Variants in UBA6 observed in about 807,000 individuals in gnomAD.
The protein encoded by UBA6 is ubiquitin-like modifier-activating enzyme 6.
Under a neutral mutation model 148.3 loss-of-function variants are expected in UBA6, and 87 were observed. The observed-to-expected ratio is 0.59, with a 90% CI of 0.49 to 0.70. The LOEUF (loss-of-function observed/expected upper bound fraction) is 0.70. UBA6 is among the 30% of genes least tolerant of loss of function. UBA6 has a pLI of 0.00. For missense variants in UBA6, 1,186 were observed against 1,241.2 expected, an observed-to-expected ratio of 0.96 and a Z score of 0.67; for synonymous variants, 376 against 401.0, an observed-to-expected ratio of 0.94 and a Z score of 0.75.
rs146926255 is a variant in UBA6, at chr4:67,635,478, T to C, written c.1817A>G (p.His606Arg). The change falls in exon 20 of 33, where the codon CAT becomes CGT. Residue 606 changes from histidine (H) to arginine (R), a missense_variant. His to Arg is a conservative substitution (Grantham distance 29, BLOSUM62 0). Transcript: ENST00000322244. Reference protein sequence around the residue: ...TKGHTEVIVPHLTESYNSHRD... With the variant: ...TKGHTEVIVPRLTESYNSHRD... ...ATGACTATTGTAAGACTCAGTCAAA[T>C]GCGGTACAATAACTTCAGTGTGTCC... The C allele has an allele frequency of 1.4e-5, 22 of 1,607,966 alleles. No homozygotes were observed. The highest frequency in any genetic ancestry group is 1.4e-5 in the Non-Finnish European group (17 of 1,174,632).
intron 6 of UBA6, among the ~76,000 whole-genome samples, chr4:67,676,721 CTG>C (rs2109945645): frequency 6.6e-6 from 1 of 152,288 alleles, no homozygotes; most frequent in East Asian, 1.9e-4. Context: ...TTTTAGCTAA[CTG>C]TTCATTTGTG....
intron 32 of UBA6, 27 bp from the exon 33 acceptor site, chr4:67,619,159 C>T (rs904307805): frequency 6.4e-7 from 1 of 1,555,450 alleles, no homozygotes; most frequent in South Asian, 1.1e-5. Context: ...AGAATGAATA[C>T]TTTGGTAAAT....
chr4:67,667,878 G>A (rs569318039), intron 9 of UBA6, among the ~76,000 whole-genome samples: 2 of 152,144 alleles, frequency 1.3e-5, no homozygotes, highest in East Asian at 1.9e-4. Context: ...AACTTCTTGC[G>A]AACAAACCTA....
chr4:67,684,212 T>C (rs1366557116), intron 2 of UBA6, among the ~76,000 whole-genome samples: 1 of 152,230 alleles, frequency 6.6e-6, no homozygotes, highest in African/African-American at 2.4e-5. Flanking sequence ...TAGAAGGGCA[T>C]GCTTACAGGG....
chr4:67,660,696 A>T (rs1729827879), intron 13 of UBA6, among the ~76,000 whole-genome samples: 1 of 152,178 alleles, frequency 6.6e-6, no homozygotes. Flanking sequence ...GAGAGTCCCC[A>T]TTGGCACTGC....
chr4:67,623,042 AATAATT>A (rs2109893757), intron 31 of UBA6, 87 bp downstream of exon 31: 1 of 1,342,584 alleles, frequency 7.4e-7, no homozygotes, highest in Non-Finnish European at 1.0e-6. Flanking sequence ...ATTCATGGTA[AATAATT>A]ATAACTTCCA....
intron 2 of UBA6, among the ~76,000 whole-genome samples, chr4:67,685,544 T>A (rs902421600): frequency 1.3e-5 from 2 of 152,290 alleles, no homozygotes; most frequent in South Asian, 2.1e-4. Flanking sequence ...TTTTGCATTA[T>A]GAGGACAAAA....
At chr4:67,660,926 G>A (rs1729835193) in intron 13 of UBA6, among the ~76,000 whole-genome samples, 1 of 152,216 alleles carries the variant, frequency 6.6e-6, no homozygotes, top group Admixed American at 6.5e-5. Flanking sequence ...GAGACATGGA[G>A]TCAAAGAAGA....
At chr4:67,677,258 G>C (rs1267773463) in intron 6 of UBA6, among the ~76,000 whole-genome samples, 1 of 152,160 alleles carries the variant, frequency 6.6e-6, no homozygotes, top group Non-Finnish European at 1.5e-5. Context: ...ACATGGGGGA[G>C]AACCCAAACT....
At chr4:67,663,476 C>A in intron 11 of UBA6, 1 of 377,038 alleles carries the variant, frequency 2.7e-6, no homozygotes, top group Admixed American at 4.1e-5. Context: ...TTCCTTATCA[C>A]ATTTACTGCT....
intron 32 of UBA6, among the ~76,000 whole-genome samples, chr4:67,619,527 C>T (rs143351523): frequency 1.0e-3 from 154 of 152,142 alleles, no homozygotes; most frequent in African/African-American, 3.6e-3. Context: ...AATACAAAAA[C>T]GAGACGGGAA....
intron 25 of UBA6, among the ~76,000 whole-genome samples, 197 bp from the exon 26 acceptor site, chr4:67,630,732 C>T (rs1728978411): frequency 6.6e-6 from 1 of 151,640 alleles, no homozygotes; most frequent in East Asian, 1.9e-4. Context: ...AAAGACAAAA[C>T]ATCAAACAGT....
At chr4:67,625,451 T>TA (rs1179569706) in intron 28 of UBA6, among the ~76,000 whole-genome samples, 1 of 151,668 alleles carries the variant, frequency 6.6e-6, no homozygotes, top group East Asian at 1.9e-4. Context: ...TTTCTGTATT[T>TA]AAAAAAACTT....
intron 16 of UBA6, 21 bp downstream of exon 16, chr4:67,645,917 C>G (rs745403010): frequency 1.4e-6 from 2 of 1,473,186 alleles, no homozygotes; most frequent in African/African-American, 1.4e-5. Context: ...ACATACTATT[C>G]CCATGATTAT....
chr4:67,685,507 T>C (rs1730535599), intron 2 of UBA6, among the ~76,000 whole-genome samples: 1 of 152,188 alleles, frequency 6.6e-6, no homozygotes. Flanking sequence ...TTCAGATTTT[T>C]TTTACTACTG....
At chr4:67,633,606 C>A in intron 22 of UBA6, 133 bp from the exon 23 acceptor site, 1 of 661,494 alleles carries the variant, frequency 1.5e-6, no homozygotes, top group East Asian at 3.1e-5. Context: ...CCTCAAGCTC[C>A]TTTTCCCTTC....
chr4:67,637,337 C>A (rs558127326), intron 19 of UBA6, among the ~76,000 whole-genome samples: 147 of 150,868 alleles, frequency 9.7e-4, no homozygotes, highest in African/African-American at 3.4e-3. Flanking sequence ...CCCACCTGGC[C>A]AGCTGCCCCG....
chr4:67,687,427 A>G (rs764802553), intron 2 of UBA6, among the ~76,000 whole-genome samples: 11 of 152,206 alleles, frequency 7.2e-5, no homozygotes, highest in Non-Finnish European at 1.3e-4. Context: ...CAGTTCATAT[A>G]AAAGTCAGGA....
chr4:67,658,302 A>G (rs1185257622), intron 13 of UBA6, among the ~76,000 whole-genome samples: 2 of 152,242 alleles, frequency 1.3e-5, no homozygotes, highest in Non-Finnish European at 2.9e-5. Context: ...TAGGGTAGGT[A>G]TATAAGAGAA....
Sources: allele counts gnomAD v4.1 joint callset (sites outside exome capture counted in the v4.1 genomes callset), GRCh38; gene constraint gnomAD v4.1.1; transcripts MANE v1.5; gene names NCBI Gene and HGNC (gene_info 2026-07-23, HGNC 2026-07-21).